The following SLCO2A1 variants were observed in gnomAD, a reference collection of about 807,000 sequenced individuals.
SLCO2A1 encodes the protein solute carrier organic anion transporter family member 2A1, also known as matrin F/G 1.
SLCO2A1 carries 60 observed loss-of-function variants against 71.7 expected under a neutral mutation model. The ratio of observed to expected loss-of-function variants is 0.84; its 90% CI spans 0.68 to 1.04. SLCO2A1 has a LOEUF of 1.04. Among genes scored for constraint, SLCO2A1 ranks in the 50% least tolerant of loss-of-function variants. SLCO2A1 has a pLI of 0.00. For missense variants in SLCO2A1, 745 were observed against 813.4 expected (o/e 0.92, Z 1.02); for synonymous variants, 308 against 326.7 (o/e 0.94, Z 0.62).
At chr3:134,025,217 T>C (rs1373758955) in intron 1 of SLCO2A1, among the ~76,000 whole-genome samples, 1 of 152,194 alleles carries the variant, frequency 6.6e-6, no homozygotes, top group African/African-American at 2.4e-5. Flanking sequence ...ATCAAGTCAC[T>C]GAGGTAGGAC....
At chr3:133,966,362 C>G (rs898259727) in intron 3 of SLCO2A1, among the ~76,000 whole-genome samples, 1 of 152,332 alleles carries the variant, frequency 6.6e-6, no homozygotes, top group African/African-American at 2.4e-5. Context: ...GCCACCAAAT[C>G]TTCTGCAACC....
At chr3:133,981,773 G>C (rs1237488266) in intron 1 of SLCO2A1, among the ~76,000 whole-genome samples, 1 of 152,064 alleles carries the variant, frequency 6.6e-6, no homozygotes, top group Non-Finnish European at 1.5e-5. Context: ...TCAGGAGTTC[G>C]AGACCAGCCT....
chr3:134,002,759 G>T (rs1241478060), intron 1 of SLCO2A1, among the ~76,000 whole-genome samples: 1 of 152,180 alleles, frequency 6.6e-6, no homozygotes, highest in South Asian at 2.1e-4. Flanking sequence ...TCCAGGCACC[G>T]TACTTTAAGA....
chr3:133,956,688 T>A (rs1933907032), intron 3 of SLCO2A1, among the ~76,000 whole-genome samples: 1 of 152,210 alleles, frequency 6.6e-6, no homozygotes, highest in Admixed American at 6.5e-5. Context: ...CACATGGTGA[T>A]ATAATATGCA....
chr3:133,961,004 C>T (rs73861271), intron 3 of SLCO2A1, among the ~76,000 whole-genome samples: 5,405 of 152,074 alleles, frequency 0.036, 117 homozygotes, highest in South Asian at 0.074. Context: ...GGCGCTCAAA[C>T]ACAAGTCCTC....
chr3:134,011,103 T>A (rs1421323219), intron 1 of SLCO2A1, among the ~76,000 whole-genome samples: 1 of 152,144 alleles, frequency 6.6e-6, no homozygotes, highest in African/African-American at 2.4e-5. Flanking sequence ...CAGGCTGGAG[T>A]GCAATGGCGC....
chr3:134,029,788 G>A lies in SLCO2A1; in HGVS notation c.15C>T (p.Pro5=). The A allele has an allele frequency of 2.6e-6, 4 of 1,527,366 alleles. No homozygotes were observed. The highest frequency in any genetic ancestry group is 3.5e-6 in the Non-Finnish European group (4 of 1,143,036). 94.6% of individuals were successfully genotyped at this position (1,527,366 alleles called of 1,614,324 possible). ...CGCTGCCCTGGGACGCGCCGAGCTTGGGCAGGAGCCCCATGGCTGCGGGCG... is the reference window on the plus strand; with the variant it reads ...CGCTGCCCTGGGACGCGCCGAGCTTAGGCAGGAGCCCCATGGCTGCGGGCG... MGLL[P]KLGASQGSDT... Residue 5 remains proline, a synonymous_variant, in exon 1 of 14, where the codon CCC becomes CCT. Coordinates refer to ENST00000310926, the MANE Select transcript of SLCO2A1 (RefSeq NM_005630.3).
At chr3:133,951,161 C>T in intron 6 of SLCO2A1, 47 bp downstream of exon 6, 1 of 1,612,638 alleles carries the variant, frequency 6.2e-7, no homozygotes, top group Non-Finnish European at 8.5e-7. Flanking sequence ...CCCCACATCC[C>T]TTTCTTCAAC....
intron 1 of SLCO2A1, among the ~76,000 whole-genome samples, chr3:134,000,036 T>A (rs1935070897): frequency 1.3e-5 from 2 of 151,944 alleles, no homozygotes; most frequent in Non-Finnish European, 1.5e-5. Flanking sequence ...AGTCAGGCGG[T>A]GGCAGTGGCC....
At chr3:133,996,821 G>T (rs1228061845) in intron 1 of SLCO2A1, among the ~76,000 whole-genome samples, 1 of 152,224 alleles carries the variant, frequency 6.6e-6, no homozygotes, top group Non-Finnish European at 1.5e-5. Flanking sequence ...GTGCAACACA[G>T]TAGGTTCCCT....
intron 1 of SLCO2A1, among the ~76,000 whole-genome samples, chr3:134,011,903 G>C (rs2108075040): frequency 6.6e-6 from 1 of 152,276 alleles, no homozygotes; most frequent in East Asian, 1.9e-4. Flanking sequence ...GGGTAAGAAG[G>C]AGGAGTGTGA....
intron 3 of SLCO2A1, among the ~76,000 whole-genome samples, chr3:133,968,410 C>T (rs1422533542): frequency 6.6e-6 from 1 of 152,166 alleles, no homozygotes; most frequent in Non-Finnish European, 1.5e-5. Context: ...AGCTCCCTGT[C>T]CTCACCAGTT....
chr3:133,945,060 G>A, intron 10 of SLCO2A1, 35 bp downstream of exon 10: 1 of 1,585,488 alleles, frequency 6.3e-7, no homozygotes, highest in Non-Finnish European at 8.6e-7. Context: ...GATCCTGTGG[G>A]GCTCCTCTTG....
At chr3:133,986,467 C>G (rs1934715963) in intron 1 of SLCO2A1, among the ~76,000 whole-genome samples, 1 of 152,166 alleles carries the variant, frequency 6.6e-6, no homozygotes, top group South Asian at 2.1e-4. Flanking sequence ...TAGAAGGAAG[C>G]TGGCAGAGAA....
At chr3:133,945,804 G>A (rs527600020) in intron 9 of SLCO2A1, among the ~76,000 whole-genome samples, 2 of 152,232 alleles carry the variant, frequency 1.3e-5, no homozygotes, top group South Asian at 4.1e-4. Flanking sequence ...GACCTTCTTC[G>A]GGGAGGGTTG....
intron 1 of SLCO2A1, among the ~76,000 whole-genome samples, chr3:134,017,962 T>C (rs767050119): frequency 5.9e-5 from 9 of 151,584 alleles, no homozygotes; most frequent in Admixed American, 1.3e-4. Context: ...CAGAAAGAGG[T>C]GAGGTGAAAT....
intron 1 of SLCO2A1, among the ~76,000 whole-genome samples, chr3:134,018,557 C>A (rs2108078019): frequency 6.6e-6 from 1 of 152,314 alleles, no homozygotes; most frequent in East Asian, 1.9e-4. Context: ...CCCTCAGTCT[C>A]CACCGGGATG....
chr3:133,985,321 C>T (rs7627477), intron 1 of SLCO2A1, among the ~76,000 whole-genome samples: 114,829 of 152,186 alleles, frequency 0.75, 43,942 homozygotes, highest in Non-Finnish European at 0.81. Flanking sequence ...TTAAGTCAAC[C>T]TTCCCATGCT....
chr3:133,996,686 A>C (rs574826622), intron 1 of SLCO2A1, among the ~76,000 whole-genome samples: 145 of 152,306 alleles, frequency 9.5e-4, no homozygotes, highest in African/African-American at 3.2e-3. Flanking sequence ...TCATGACCAC[A>C]GGCTGTCTTC....
Sources: gnomAD v4.1 joint callset for allele counts (sites outside exome capture counted in the v4.1 genomes callset) on GRCh38, gnomAD v4.1.1 for gene constraint, MANE v1.5 for transcripts, NCBI Gene and HGNC (gene_info 2026-07-23, HGNC 2026-07-21) for gene names.